TM9SF3: variants seen among roughly 807,000 people sequenced by gnomAD.
TM9SF3 encodes the protein SM-11044-binding protein.
TM9SF3 carries 14 observed loss-of-function variants against 78.6 expected under a neutral mutation model. The observed-to-expected ratio is 0.18, with a 90% CI of 0.12 to 0.28. TM9SF3 has a LOEUF of 0.28. Among genes scored for constraint, TM9SF3 ranks in the 10% least tolerant of loss-of-function variants. TM9SF3 has a pLI of 1.00. For missense variants in TM9SF3, 496 were observed against 721.9 expected, an observed-to-expected ratio of 0.69 and a Z score of 3.59; for synonymous variants, 231 against 241.7, an observed-to-expected ratio of 0.96 and a Z score of 0.41.
At chr10:96,527,906 T>C in intron 12 of TM9SF3, 125 bp downstream of exon 12, 1 of 950,692 alleles carries the variant, frequency 1.1e-6, no homozygotes, top group South Asian at 2.3e-5. Flanking sequence ...TGGAAAAAAA[T>C]CCCTATGCTA....
At chr10:96,547,802 G>A in intron 8 of TM9SF3, 93 bp downstream of exon 8, 4 of 1,034,216 alleles carry the variant, frequency 3.9e-6, no homozygotes, top group South Asian at 1.4e-5. Context: ...CCTGGGTGAT[G>A]GAGTGAGACT....
chr10:96,518,237 G>A lies in TM9SF3; in HGVS notation c.*4026C>T, dbSNP rs1175383689. ...ATTACTAAAAAGCCAGTTGGAATAT[G>A]GCCTATACGAACCAAAGAGTGTATA... On this transcript the variant is annotated 3_prime_UTR_variant, in exon 15 of 15. Coordinates refer to ENST00000371142, the MANE Select transcript of TM9SF3 (RefSeq NM_020123.4). The A allele has an allele frequency of 6.6e-6, 1 of 152,106 alleles. No individual in the cohort carries two copies. The highest frequency in any genetic ancestry group is 1.5e-5 in the Non-Finnish European group (1 of 67,996). The allele number at this position is 152,106 out of a possible 1,614,324, so 9.4% of individuals were successfully genotyped here.
intron 11 of TM9SF3, among the ~76,000 whole-genome samples, 189 bp downstream of exon 11, chr10:96,530,351 T>A (rs370300297): frequency 3.4e-4 from 52 of 152,340 alleles, no homozygotes; most frequent in African/African-American, 1.2e-3. Context: ...CAAAAAGGTA[T>A]AAACATCACT....
chr10:96,527,989 T>C lies in TM9SF3; in HGVS notation c.1541+42A>G, dbSNP rs935920234. ...TTTCAAAGGAAATCTTATTTTAAAA[T>C]ATTATGGTTCCCCAAATTTCTATCC... is the stretch of plus-strand genomic sequence containing the variant. On this transcript the variant is annotated intron_variant, in intron 12 of 14. Coordinates refer to ENST00000371142, the MANE Select transcript of TM9SF3 (RefSeq NM_020123.4). 3 of 1,578,624 alleles carry C rather than the reference T, an allele frequency of 1.9e-6. No individual in the cohort carries two copies. The African/African-American group carries it at 4.1e-5, about 22-fold the overall frequency.
In TM9SF3 at chr10:96,530,852, T is replaced by C. The variant is rs1451160247; in HGVS notation, c.1326-244A>G. ...GAGACAAGTATATGAAGAACACAAA[T>C]TACTGACACTGGCAGAACTTCAAAA... On this transcript the variant is annotated intron_variant, in intron 10 of 14. Transcript: ENST00000371142. Among the ~76,000 whole-genome samples the C allele has an allele frequency of 2.0e-5, 3 of 152,296 alleles. No individual in the cohort carries two copies. In the East Asian group the frequency reaches 5.8e-4, roughly 29 times the overall value.
At chr10:96,546,025 T>G (rs1848094661) in intron 8 of TM9SF3, among the ~76,000 whole-genome samples, 1 of 152,262 alleles carries the variant, frequency 6.6e-6, no homozygotes, top group Admixed American at 6.5e-5. Flanking sequence ...TCTGCATTGC[T>G]GTGTTTTCTA....
At chr10:96,551,014 C>T (rs1848163202) in intron 7 of TM9SF3, among the ~76,000 whole-genome samples, 1 of 152,082 alleles carries the variant, frequency 6.6e-6, no homozygotes, top group Non-Finnish European at 1.5e-5. Flanking sequence ...AACATATAAC[C>T]TTTATAACTA....
chr10:96,583,722 A>T (rs6584087), intron 1 of TM9SF3, among the ~76,000 whole-genome samples: 151,326 of 152,336 alleles, frequency 0.99, 75,170 homozygotes, highest in Middle Eastern at 1. Flanking sequence ...TGAGTTAATA[A>T]GTGTAAAATA....
chr10:96,538,343 C>G (rs886824151), intron 9 of TM9SF3, among the ~76,000 whole-genome samples: 1 of 152,066 alleles, frequency 6.6e-6, no homozygotes, highest in Non-Finnish European at 1.5e-5. Context: ...CAAAACAAAA[C>G]CCCTCTGGCC....
Position 96,552,976 on chromosome 10 carries a change from T to C in TM9SF3, c.744A>G (p.Leu248=), listed in dbSNP as rs1431925465. ...TACTGTACCGAGCATAATCTTTTCTTAATGTTCTCATTAAAATCATTGAAA... is the reference window on the plus strand; with the variant it reads ...TACTGTACCGAGCATAATCTTTTCTCAATGTTCTCATTAAAATCATTGAAA... ...GLVSMILMRT[L]RKDYARYSKE... The change falls in exon 6 of 15, where the codon TTA becomes TTG. Residue 248 remains leucine (L), a synonymous_variant. Transcript: ENST00000371142. 1 of 1,607,450 alleles carries C rather than the reference T, an allele frequency of 6.2e-7. No individual in the cohort carries two copies. The highest frequency in any genetic ancestry group is 1.7e-5 in the Admixed American group (1 of 58,614).
At chr10:96,567,702 G>A (rs1167591116) in intron 2 of TM9SF3, among the ~76,000 whole-genome samples, 1 of 151,994 alleles carries the variant, frequency 6.6e-6, no homozygotes, top group Non-Finnish European at 1.5e-5. Context: ...CCAGTATCTT[G>A]CTCCTCAAAA....
intron 9 of TM9SF3, among the ~76,000 whole-genome samples, chr10:96,542,343 C>T (rs1177198480): frequency 6.6e-6 from 1 of 152,124 alleles, no homozygotes; most frequent in African/African-American, 2.4e-5. Flanking sequence ...TAGGAGCCTG[C>T]CAAGTACCAA....
At position 96,521,126 on chromosome 10, in the gene TM9SF3, G is replaced by C. The variant is rs1237440581; in HGVS notation, c.*1137C>G. 1.3e-5 allele frequency: 5 copies of C among 373,576 alleles called. No individual in the cohort carries two copies. The allele number at this position is 373,576 out of a possible 1,614,324, so 23.1% of individuals were successfully genotyped here. ...TAGGAGTCTCAGAAAATAAACAGAA[G>C]AAAACAACCCCCCTCCCAAAAGAAG... On this transcript the variant is annotated 3_prime_UTR_variant, in exon 15 of 15. Coordinates refer to ENST00000371142, the MANE Select transcript of TM9SF3 (RefSeq NM_020123.4).
intron 5 of TM9SF3, among the ~76,000 whole-genome samples, chr10:96,554,194 TA>T (rs1848207477): frequency 6.6e-6 from 1 of 152,214 alleles, no homozygotes; most frequent in South Asian, 2.1e-4. Flanking sequence ...TGGCACATCA[TA>T]AACACTAAAT....
intron 5 of TM9SF3, among the ~76,000 whole-genome samples, chr10:96,556,268 A>G (rs1848232789): frequency 6.6e-6 from 1 of 152,212 alleles, no homozygotes; most frequent in Non-Finnish European, 1.5e-5. Context: ...ACTGGAGATA[A>G]ATAACTATAC....
chr10:96,530,454 A>T, intron 11 of TM9SF3, 86 bp downstream of exon 11: 1 of 1,083,770 alleles, frequency 9.2e-7, no homozygotes, highest in Non-Finnish European at 1.3e-6. Flanking sequence ...TGTTCTCCCA[A>T]CTGATAACTT....
intron 1 of TM9SF3, among the ~76,000 whole-genome samples, chr10:96,577,932 T>C (rs1848516496): frequency 6.6e-6 from 1 of 152,130 alleles, no homozygotes; most frequent in Admixed American, 6.6e-5. Flanking sequence ...AATAAATAAA[T>C]ATTTTCAATC....
intron 11 of TM9SF3, 35 bp from the exon 12 acceptor site, chr10:96,528,212 C>G (rs890575489): frequency 1.3e-6 from 2 of 1,577,616 alleles, no homozygotes; most frequent in Admixed American, 1.8e-5. Context: ...GGTTTCCAGT[C>G]TTTATTCTTA....
At chr10:96,563,277 T>C (rs932559630) in intron 3 of TM9SF3, among the ~76,000 whole-genome samples, 1 of 152,204 alleles carries the variant, frequency 6.6e-6, no homozygotes, top group East Asian at 1.9e-4. Flanking sequence ...AATCTCGTTA[T>C]GTTGCCCAGT....
Sources: allele counts gnomAD v4.1 joint callset (sites outside exome capture counted in the v4.1 genomes callset), GRCh38; gene constraint gnomAD v4.1.1; transcripts MANE v1.5; gene names NCBI Gene and HGNC (gene_info 2026-07-23, HGNC 2026-07-21).